The following UGT1A3 variants were observed in gnomAD, a reference collection of about 807,000 sequenced individuals.
UGT1A3 encodes UDP glucuronosyltransferase family 1 member A3.
UGT1A3 carries 31 observed loss-of-function variants against 41.0 expected under a neutral mutation model. That is an observed-to-expected ratio of 0.76 (90% CI 0.57 to 1.02). The LOEUF is 1.02. Among genes scored for constraint, UGT1A3 ranks in the 50% least tolerant of loss-of-function variants. UGT1A3 has a pLI of 0.00. For missense variants in UGT1A3, 737 were observed against 671.0 expected (o/e 1.10, Z -1.09); for synonymous variants, 262 against 257.6 (o/e 1.02, Z -0.17).
At chr2:233,747,351 G>A (rs1693640886) in intron 1 of UGT1A3, 1 of 1,603,176 alleles carries the variant, frequency 6.2e-7, no homozygotes, top group Non-Finnish European at 8.5e-7. Context: ...CATGCGGGAG[G>A]CCGTGCGGGA....
At chr2:233,736,701 G>T (rs1378628991) in intron 1 of UGT1A3, among the ~76,000 whole-genome samples, 1 of 152,172 alleles carries the variant, frequency 6.6e-6, no homozygotes, top group Non-Finnish European at 1.5e-5. Context: ...ATGGGGTTTT[G>T]GTGTAGATGT....
intron 1 of UGT1A3, chr2:233,754,897 C>A: frequency 3.0e-6 from 4 of 1,351,174 alleles, no homozygotes; most frequent in South Asian, 1.1e-5. Flanking sequence ...TTCCTCTGAC[C>A]CCCCAAAATA....
chr2:233,755,042 G>GCCGCCCT (rs756876543), intron 1 of UGT1A3: 2 of 1,323,886 alleles, frequency 1.5e-6, no homozygotes, highest in African/African-American at 3.0e-5. Context: ...CGCCTGCGCA[G>GCCGCCCT]CCGCCCTCCG....
intron 1 of UGT1A3, chr2:233,748,212 G>A (rs1693895532): frequency 2.0e-6 from 3 of 1,495,994 alleles, no homozygotes; most frequent in Non-Finnish European, 2.7e-6. Flanking sequence ...ATAGCCTTCA[G>A]TGAGATAAAC....
intron 1 of UGT1A3, among the ~76,000 whole-genome samples, chr2:233,752,840 A>G (rs1357477181): frequency 6.6e-6 from 1 of 152,242 alleles, no homozygotes; most frequent in African/African-American, 2.4e-5. Flanking sequence ...AATCTAGGAT[A>G]TATCAAAATT....
rs45619032 is a variant in UGT1A3, at chr2:233,765,042, C to T, written c.868-1992C>T. ...GGCAGGAGTCCTGCTGTGCAAATTG[C>T]GTTTGCTGAGCCCTGTCAGAGGTCT... On this transcript the variant is annotated intron_variant, in intron 1 of 4. Transcript: ENST00000482026. 6.1e-3 allele frequency among the ~76,000 whole-genome samples: 921 copies of T among 152,078 alleles called. 13 individuals carry two copies. Among genetic ancestry groups the T allele is most frequent in the African/African-American group, 0.021 (865 of 41,462 alleles).
In UGT1A3 at chr2:233,755,161, CG is replaced by C. The variant is rs146856809; in HGVS notation, c.868-11869del. The stretch of plus-strand genomic sequence containing the variant: ...CTTCTCACCGCTTCCTCCCTGTCCT[CG>C]GGGTTTTTGTCGGGGTGCCACTTGA... On this transcript the variant is annotated intron_variant, in intron 1 of 4. Transcript: ENST00000482026. 2.3e-3 allele frequency: 2,947 copies of C among 1,292,234 alleles called. 56 individuals carry two copies. The African/African-American group carries it at 0.041, about 18-fold the overall frequency. The allele number at this position is 1,292,234 out of a possible 1,614,324, so 80.0% of individuals were successfully genotyped here.
At chr2:233,764,507 T>C (rs1318099994) in intron 1 of UGT1A3, among the ~76,000 whole-genome samples, 1 of 152,320 alleles carries the variant, frequency 6.6e-6, no homozygotes, top group Non-Finnish European at 1.5e-5. Flanking sequence ...GGGTTCAATT[T>C]TGTGTGAATC....
intron 1 of UGT1A3, among the ~76,000 whole-genome samples, chr2:233,745,761 A>G (rs1420009294): frequency 2.7e-5 from 4 of 149,168 alleles, no homozygotes; most frequent in African/African-American, 1.0e-4. Flanking sequence ...GAAGGGGTGG[A>G]GAGGAGGAAT....
chr2:233,732,326 T>G (rs2078260709), intron 1 of UGT1A3, among the ~76,000 whole-genome samples: 1 of 152,270 alleles, frequency 6.6e-6, no homozygotes, highest in African/African-American at 2.4e-5. Flanking sequence ...TGGCTTTTGT[T>G]GCCATTGCTT....
chr2:233,761,079 C>T, intron 1 of UGT1A3: 1 of 1,614,120 alleles, frequency 6.2e-7, no homozygotes, highest in Non-Finnish European at 8.5e-7. Flanking sequence ...TGAAGGATTA[C>T]CCTAGGCCCA....
intron 1 of UGT1A3, chr2:233,747,437 C>G: frequency 1.9e-6 from 3 of 1,608,846 alleles, no homozygotes; most frequent in Non-Finnish European, 2.6e-6. Context: ...AGAAATTTTT[C>G]ACCCTGACAA....
At position 233,772,432 on chromosome 2, in the gene UGT1A3, T is replaced by C. The variant is rs771600393; in HGVS notation, c.1478T>C (p.Ile493Thr). 4.3e-6 allele frequency: 7 copies of C among 1,614,238 alleles called. No homozygotes were observed. Among genetic ancestry groups the C allele is most frequent in the Middle Eastern group, 1.6e-4 (1 of 6,062 alleles). Residue 493 changes from isoleucine to threonine, a missense_variant, in exon 5 of 5, where the codon ATT (isoleucine) becomes ACT (threonine). Physicochemically the swap from Ile to Thr is moderately conservative, Grantham distance 89 (BLOSUM62 -1). Coordinates refer to ENST00000482026, the MANE Select transcript of UGT1A3 (RefSeq NM_019093.4). ...TWYQYHSLDV[I>T]GFLLAVVLTV... Reference sequence around the variant, plus strand: ...TACCAGTACCATTCCTTGGACGTGATTGGTTTCCTCTTGGCCGTCGTGCTG... The same window carrying C: ...TACCAGTACCATTCCTTGGACGTGACTGGTTTCCTCTTGGCCGTCGTGCTG...
chr2:233,741,733 T>C (rs968212915), intron 1 of UGT1A3: 2 of 151,882 alleles, frequency 1.3e-5, no homozygotes, highest in African/African-American at 4.9e-5. Flanking sequence ...TCCAAACCCA[T>C]ATCACACTCT....
chr2:233,768,874 G>A (rs1264130017), intron 4 of UGT1A3, among the ~76,000 whole-genome samples: 1 of 151,996 alleles, frequency 6.6e-6, no homozygotes, highest in East Asian at 1.9e-4. Flanking sequence ...ATGAGCCAGC[G>A]CGTCTGACCT....
At chr2:233,767,532 T>C (rs183725309) in intron 2 of UGT1A3, among the ~76,000 whole-genome samples, 16 of 152,382 alleles carry the variant, frequency 1.0e-4, no homozygotes, top group Non-Finnish European at 2.1e-4. Context: ...ATGTCTTACA[T>C]TTCTGCTCTT....
Position 233,769,600 on chromosome 2 carries a change from G to C in UGT1A3, c.1307+1161G>C. ...GTTCAGATGAGAGGAGACGGAACAC[G>C]GGGACACACCAGCTTGAGCAAGGGA... is the stretch of plus-strand genomic sequence containing the variant. On this transcript the variant is annotated intron_variant, in intron 4 of 4. Coordinates refer to ENST00000482026, the MANE Select transcript of UGT1A3 (RefSeq NM_019093.4). The surrounding 1 kb of genome is among the most constrained non-coding windows in gnomAD (Gnocchi z 4.4). 6.2e-7 allele frequency: 1 copy of C among 1,612,786 alleles called. No individual in the cohort carries two copies. Among genetic ancestry groups the C allele is most frequent in the Non-Finnish European group, 8.5e-7 (1 of 1,179,854 alleles).
At chr2:233,743,189 T>C in intron 1 of UGT1A3, 3 of 374,868 alleles carry the variant, frequency 8.0e-6, no homozygotes, top group Non-Finnish European at 1.6e-5. Context: ...GGACTGGAAT[T>C]ACTTGGTGTC....
rs370892808 is a variant in UGT1A3, at chr2:233,760,466, T to C, written c.868-6568T>C. The stretch of plus-strand genomic sequence containing the variant: ...CAGAGGGGACATGAAATAGTTGTCC[T>C]AGCACCTGACGCCTCGTTGTACATC... On this transcript the variant is annotated intron_variant, in intron 1 of 4. Transcript: ENST00000482026. The C allele has an allele frequency of 1.9e-6, 3 of 1,614,232 alleles. No homozygotes were observed. The highest frequency in any genetic ancestry group is 1.7e-6 in the Non-Finnish European group (2 of 1,180,032).
Sources: gnomAD v4.1 joint callset for allele counts (sites outside exome capture counted in the v4.1 genomes callset) on GRCh38, gnomAD v4.1.1 for gene constraint, Gnocchi (gnomAD v3.1) non-coding constraint, MANE v1.5 for transcripts, NCBI Gene and HGNC (gene_info 2026-07-23, HGNC 2026-07-21) for gene names.